The following SYT2 variants were observed in gnomAD, a reference collection of about 807,000 sequenced individuals.
The protein encoded by SYT2 is synaptotagmin 2.
SYT2 carries 15 observed loss-of-function variants against 39.9 expected under a neutral mutation model. That is an observed-to-expected ratio of 0.38 (90% CI 0.25 to 0.58). The LOEUF (loss-of-function observed/expected upper bound fraction) is 0.58. SYT2 is among the 20% of genes least tolerant of loss of function. The pLI, the probability that SYT2 is intolerant of heterozygous loss-of-function variation, is 0.70. For missense variants in SYT2, 389 were observed against 530.3 expected (o/e 0.73, Z 2.62); for synonymous variants, 181 against 204.5 (o/e 0.89, Z 0.98).
intron 1 of SYT2, among the ~76,000 whole-genome samples, chr1:202,631,884 T>C (rs911220562): frequency 2.0e-5 from 3 of 152,190 alleles, no homozygotes; most frequent in African/African-American, 7.2e-5. Flanking sequence ...GAGGTCTCCC[T>C]TCCAACCCTG....
intron 1 of SYT2, among the ~76,000 whole-genome samples, chr1:202,678,994 G>A (rs899697763): frequency 4.6e-5 from 7 of 152,218 alleles, no homozygotes; most frequent in African/African-American, 9.6e-5. Flanking sequence ...CTGAAATGCC[G>A]GTTCTCAAGG....
At position 202,590,619 on chromosome 1, in the gene SYT2, TA is replaced by T. The variant is rs202131300; in HGVS notation, c.*6137del. 0.019 allele frequency: 2,904 copies of T among 150,836 alleles called. 44 individuals carry two copies. The highest frequency in any genetic ancestry group is 0.027 in the Non-Finnish European group (1,850 of 67,794). 9.3% of individuals were successfully genotyped at this position (150,836 alleles called of 1,614,324 possible). A position where few individuals can be genotyped will look rare whatever the true frequency, so the allele number is the denominator to read the frequency against. ...GGTTTCTTTCAGCTCATTTCTTTAA[TA>T]AGGAGACGCAGTTCATTACAAAATA... On this transcript the variant is annotated 3_prime_UTR_variant, in exon 9 of 9. Coordinates refer to ENST00000367268, the MANE Select transcript of SYT2 (RefSeq NM_177402.5).
At chr1:202,609,756 G>A (rs529801286) in intron 1 of SYT2, among the ~76,000 whole-genome samples, 1 of 152,142 alleles carries the variant, frequency 6.6e-6, no homozygotes, top group African/African-American at 2.4e-5. Flanking sequence ...TTGTAAATTT[G>A]TTTGAGTTCA....
chr1:202,655,382 GT>G (rs748338734), intron 1 of SYT2, among the ~76,000 whole-genome samples: 2 of 152,018 alleles, frequency 1.3e-5, no homozygotes, highest in South Asian at 2.1e-4. Context: ...GGTTGTTGTT[GT>G]TTTTTTAAAT....
intron 1 of SYT2, among the ~76,000 whole-genome samples, chr1:202,667,819 T>A (rs546176226): frequency 2.0e-5 from 3 of 152,084 alleles, no homozygotes; most frequent in African/African-American, 7.2e-5. Context: ...TTCAAGCGAT[T>A]CTCCTGCCTC....
chr1:202,644,054 C>A (rs1692017839), intron 1 of SYT2, among the ~76,000 whole-genome samples: 1 of 152,180 alleles, frequency 6.6e-6, no homozygotes, highest in South Asian at 2.1e-4. Flanking sequence ...AGAGATGGAA[C>A]AAAAGGCAGA....
At chr1:202,608,518 C>T (rs924842880) in intron 1 of SYT2, among the ~76,000 whole-genome samples, 2 of 152,192 alleles carry the variant, frequency 1.3e-5, no homozygotes, top group African/African-American at 4.8e-5. Flanking sequence ...CTCAAGCAAT[C>T]CTCCCACTTC....
rs527327321 is a variant in SYT2, at chr1:202,609,083, T to G, written c.-17-3294A>C. 1.4e-3 allele frequency among the ~76,000 whole-genome samples: 193 copies of G among 137,590 alleles called. 1 individual carries two copies. Among genetic ancestry groups the G allele is most frequent in the African/African-American group, 5.1e-3 (187 of 36,518 alleles). The allele number at this position is 137,590 out of a possible 152,430, so 90.3% of individuals were successfully genotyped here. A position where few individuals can be genotyped will look rare whatever the true frequency, so the allele number is the denominator to read the frequency against. ...TGATGTTCCCCTTCCTGTGTCCATGTGTTCTCATTGTTCAATTCCCACCTA... is the reference window on the plus strand; with the variant it reads ...TGATGTTCCCCTTCCTGTGTCCATGGGTTCTCATTGTTCAATTCCCACCTA... On this transcript the variant is annotated intron_variant, in intron 1 of 8. Transcript: ENST00000367268.
At chr1:202,631,973 CAGGCAGTTTGTCCTCA>C in intron 1 of SYT2, 1 of 954,892 alleles carries the variant, frequency 1.0e-6, no homozygotes, top group South Asian at 4.8e-5. Context: ...GCTGGTTCGC[CAGGCAGTTTGTCCTCA>C]AGGAGAAGTA....
intron 1 of SYT2, among the ~76,000 whole-genome samples, chr1:202,625,977 A>G (rs188885584): frequency 2.0e-4 from 30 of 152,342 alleles, no homozygotes; most frequent in Admixed American, 2.0e-3. Context: ...ATGTGTATGA[A>G]CACCATGTAT....
At chr1:202,661,705 G>A (rs757478346) in intron 1 of SYT2, among the ~76,000 whole-genome samples, 34 of 152,178 alleles carry the variant, frequency 2.2e-4, no homozygotes, top group Non-Finnish European at 3.8e-4. Flanking sequence ...CTCTGCAGGC[G>A]CTGGCCCTCT....
intron 3 of SYT2, 86 bp from the exon 4 acceptor site, chr1:202,603,204 C>T (rs1690578911): frequency 6.5e-7 from 1 of 1,544,418 alleles, no homozygotes; most frequent in Non-Finnish European, 8.8e-7. Context: ...GAAACCAGCC[C>T]CTCTGTGGTA....
At chr1:202,689,423 C>T (rs1382112939) in intron 1 of SYT2, among the ~76,000 whole-genome samples, 1 of 152,130 alleles carries the variant, frequency 6.6e-6, no homozygotes, top group African/African-American at 2.4e-5. Flanking sequence ...TAACATAATT[C>T]CTGCAGAGTC....
chr1:202,695,539 G>T (rs972416572), intron 1 of SYT2, among the ~76,000 whole-genome samples: 2 of 152,184 alleles, frequency 1.3e-5, no homozygotes, highest in African/African-American at 4.8e-5. Flanking sequence ...AGAGAGCAAA[G>T]GTGTAATTGA....
intron 1 of SYT2, among the ~76,000 whole-genome samples, chr1:202,688,669 A>T (rs1240311513): frequency 6.6e-6 from 1 of 152,232 alleles, no homozygotes; most frequent in Non-Finnish European, 1.5e-5. Context: ...AGCCCAAGGA[A>T]CAAGAGGACA....
At chr1:202,604,851 G>A (rs1452858721) in intron 2 of SYT2, among the ~76,000 whole-genome samples, 5 of 102,916 alleles carry the variant, frequency 4.9e-5, no homozygotes, top group Non-Finnish European at 7.1e-5. Flanking sequence ...TTTGCCTACT[G>A]TCCTTGTTGG....
At chr1:202,709,835 G>A (rs1209326702) in intron 1 of SYT2, among the ~76,000 whole-genome samples, 1 of 152,158 alleles carries the variant, frequency 6.6e-6, no homozygotes, top group Non-Finnish European at 1.5e-5. Context: ...TGAGACTGGG[G>A]CAAAAGAACC....
At chr1:202,627,404 C>T (rs1691447216) in intron 1 of SYT2, 1 of 980,120 alleles carries the variant, frequency 1.0e-6, no homozygotes, top group Non-Finnish European at 1.2e-6. Flanking sequence ...AACCTCCGTC[C>T]CATCAAGCTC....
intron 1 of SYT2, among the ~76,000 whole-genome samples, chr1:202,647,462 C>G (rs72750624): frequency 0.096 from 14,584 of 152,198 alleles, 990 homozygotes; most frequent in Middle Eastern, 0.29. Context: ...GGCTTCCCCC[C>G]CCAACCGTAC....
Sources: allele counts gnomAD v4.1 joint callset (sites outside exome capture counted in the v4.1 genomes callset), GRCh38; gene constraint gnomAD v4.1.1; transcripts MANE v1.5; gene names NCBI Gene and HGNC (gene_info 2026-07-23, HGNC 2026-07-21).